The following LRP1B variants were observed in gnomAD, a reference collection of about 807,000 sequenced individuals.
The protein encoded by LRP1B is LDL receptor related protein 1B, also known as low-density lipoprotein receptor-related protein 1B.
Under a neutral mutation model 556.6 loss-of-function variants are expected in LRP1B, and 217 were observed. The observed-to-expected ratio is 0.39, with a 90% CI of 0.35 to 0.44. The LOEUF (loss-of-function observed/expected upper bound fraction) is 0.44, where lower values mean the gene tolerates loss of function less well. LRP1B is among the 20% of genes least tolerant of loss of function. The pLI, the probability that LRP1B is intolerant of heterozygous loss-of-function variation, is 1.00. For missense variants in LRP1B, 5,053 were observed against 5,620.8 expected (o/e 0.90, Z 3.23); for synonymous variants, 2,047 against 1,865.8 (o/e 1.10, Z -2.50).
chr2:141,283,515 T>C (rs1257300775), intron 3 of LRP1B, among the ~76,000 whole-genome samples: 3 of 150,866 alleles, frequency 2.0e-5, no homozygotes, highest in Admixed American at 2.0e-4. Context: ...TAATAAGGAA[T>C]CACTGAAGGA....
chr2:140,444,088 G>T (rs576319934), intron 65 of LRP1B, among the ~76,000 whole-genome samples: 2 of 152,270 alleles, frequency 1.3e-5, no homozygotes, highest in South Asian at 4.1e-4. Context: ...GTGGATGAAT[G>T]AATGTTGTTC....
chr2:141,480,194 T>TGTG, intron 3 of LRP1B, among the ~76,000 whole-genome samples: 1 of 150,556 alleles, frequency 6.6e-6, no homozygotes, highest in Non-Finnish European at 1.5e-5. Flanking sequence ...TGTGTGTGTG[T>TGTG]TGTCTAATGG....
At chr2:142,026,994 G>A (rs1703529693) in intron 1 of LRP1B, among the ~76,000 whole-genome samples, 1 of 151,972 alleles carries the variant, frequency 6.6e-6, no homozygotes, top group Non-Finnish European at 1.5e-5. Flanking sequence ...TTTTATGGGT[G>A]CTACCAGAAT....
rs543963316 is a variant in LRP1B, at chr2:140,403,685, A to G, written c.10415-17676T>C. On this transcript the variant is annotated intron_variant, in intron 66 of 90. Transcript: ENST00000389484. ...GTTTCTGAGAGAAAAGAGAAGGCTA[A>G]AATTTGGAAAATTTATTTGAGGGAA... Among the ~76,000 whole-genome samples, 17 of 152,328 alleles carry G rather than the reference A, an allele frequency of 1.1e-4. No homozygotes were observed. The South Asian group carries it at 3.5e-3, about 32-fold the overall frequency.
chr2:140,303,042 T>TATATATAC (rs1400249318), intron 83 of LRP1B, among the ~76,000 whole-genome samples: 3 of 133,868 alleles, frequency 2.2e-5, no homozygotes, highest in African/African-American at 9.3e-5. Flanking sequence ...TATATATATA[T>TATATATAC]ATATATATAT....
chr2:140,791,391 T>A (rs1368584468), intron 32 of LRP1B, among the ~76,000 whole-genome samples: 3 of 152,020 alleles, frequency 2.0e-5, no homozygotes, highest in Non-Finnish European at 4.4e-5. Flanking sequence ...ATCTCACAAC[T>A]GCACTCTAGC....
intron 35 of LRP1B, among the ~76,000 whole-genome samples, chr2:140,744,083 C>T (rs1193253095): frequency 1.3e-5 from 2 of 149,940 alleles, no homozygotes; most frequent in South Asian, 2.1e-4. Flanking sequence ...TATAAACCCG[C>T]GGTTATAAGA....
intron 21 of LRP1B, among the ~76,000 whole-genome samples, chr2:140,919,368 C>T (rs1039217295): frequency 6.7e-6 from 1 of 149,634 alleles, no homozygotes. Flanking sequence ...AATCTCCAAG[C>T]CAGACAGAAG....
intron 7 of LRP1B, among the ~76,000 whole-genome samples, chr2:141,102,771 A>G (rs994484497): frequency 6.6e-6 from 1 of 152,116 alleles, no homozygotes; most frequent in African/African-American, 2.4e-5. Context: ...TAAAATTACT[A>G]TTTTATATAC....
At chr2:140,566,315 A>G (rs1238895407) in intron 43 of LRP1B, among the ~76,000 whole-genome samples, 1 of 152,120 alleles carries the variant, frequency 6.6e-6, no homozygotes, top group Non-Finnish European at 1.5e-5. Context: ...CTTCTCATGA[A>G]AACAGTGCCT....
In LRP1B at chr2:140,358,964, A is replaced by G; in HGVS notation, c.11132-18T>C. 1.9e-6 allele frequency: 3 copies of G among 1,602,460 alleles called. No homozygotes were observed. The highest frequency in any genetic ancestry group is 2.6e-6 in the Non-Finnish European group (3 of 1,172,702). On this transcript the variant is annotated intron_variant, in intron 72 of 90. Coordinates refer to ENST00000389484, the MANE Select transcript of LRP1B (RefSeq NM_018557.3). ...AAATTTGACTGAAGAAAAAGAAGAA[A>G]AAACAAAGAAGCTCCTTCGAGTACA...
rs1252215593 is a variant in LRP1B, at chr2:140,525,904, T to C, written c.7966A>G (p.Thr2656Ala). Residue 2656 changes from threonine (T) to alanine (A), a missense_variant, in exon 49 of 91, where the codon ACC becomes GCC. Around this residue, in one of 5 missense-constraint regions of LRP1B, gnomAD observed 3,619 missense variants for 3,931.9 expected, o/e 0.92. Coordinates refer to ENST00000389484, the MANE Select transcript of LRP1B (RefSeq NM_018557.3). ...CNSTSLCVLP[T>A]WICDGSNDCG... ...TCATTAGACCCGTCGCATATCCAGG[T>C]TGGCAGAACACACAGTGAGGTAGAA... 2 of 1,612,520 alleles carry C rather than the reference T, an allele frequency of 1.2e-6. No individual in the cohort carries two copies. Among genetic ancestry groups the C allele is most frequent in the Non-Finnish European group, 1.7e-6 (2 of 1,178,950 alleles).
At chr2:141,412,826 G>C (rs1690903364) in intron 3 of LRP1B, among the ~76,000 whole-genome samples, 1 of 152,032 alleles carries the variant, frequency 6.6e-6, no homozygotes, top group African/African-American at 2.4e-5. Context: ...TTATAAGATA[G>C]GGTCTGTGGT....
chr2:141,091,531 G>T (rs770384502), intron 7 of LRP1B, among the ~76,000 whole-genome samples: 11 of 152,232 alleles, frequency 7.2e-5, no homozygotes, highest in South Asian at 4.1e-4. Context: ...ACATTCCAAA[G>T]TTGTGCACGT....
At chr2:141,251,417 G>A (rs1223813240) in intron 4 of LRP1B, among the ~76,000 whole-genome samples, 1 of 152,160 alleles carries the variant, frequency 6.6e-6, no homozygotes, top group Non-Finnish European at 1.5e-5. Flanking sequence ...GATAATAAAG[G>A]AGGAGGGGAT....
chr2:141,177,867 C>G (rs192913850), intron 7 of LRP1B, among the ~76,000 whole-genome samples: 6 of 152,050 alleles, frequency 3.9e-5, no homozygotes, highest in African/African-American at 1.4e-4. Flanking sequence ...ATAGAGTTAG[C>G]CTTCAGACAA....
At chr2:140,364,840 A>G in intron 71 of LRP1B, 57 bp from the exon 72 acceptor site, 2 of 1,531,962 alleles carry the variant, frequency 1.3e-6, no homozygotes, top group Admixed American at 3.5e-5. Context: ...GCCAGTCAGC[A>G]GGATCCATAT....
intron 2 of LRP1B, among the ~76,000 whole-genome samples, chr2:141,505,466 A>T (rs1230813705): frequency 6.6e-6 from 1 of 152,070 alleles, no homozygotes; most frequent in Non-Finnish European, 1.5e-5. Flanking sequence ...TATATTACAC[A>T]TATGGGCCAA....
At chr2:140,566,669 C>T (rs1681137936) in intron 43 of LRP1B, among the ~76,000 whole-genome samples, 1 of 152,142 alleles carries the variant, frequency 6.6e-6, no homozygotes, top group Non-Finnish European at 1.5e-5. Context: ...TGCACTTTGC[C>T]CACTACGCTA....
Sources: allele counts gnomAD v4.1 joint callset (sites outside exome capture counted in the v4.1 genomes callset), GRCh38; gene constraint gnomAD v4.1.1; regional missense constraint gnomAD v4.1.1; transcripts MANE v1.5; gene names NCBI Gene and HGNC (gene_info 2026-07-23, HGNC 2026-07-21).